PTPRG: variants seen among roughly 807,000 people sequenced by gnomAD.
The protein encoded by PTPRG is protein tyrosine phosphatase receptor type G.
A neutral mutation model predicts 165.3 loss-of-function variants in PTPRG; 102 were observed. The observed-to-expected ratio is 0.62, with a 90% confidence interval of 0.53 to 0.73. The LOEUF (loss-of-function observed/expected upper bound fraction) is 0.73, where lower values mean the gene tolerates loss of function less well. Among genes scored for constraint, PTPRG ranks in the 30% least tolerant of loss-of-function variants. The pLI is 0.00. For missense variants in PTPRG, 1,866 were observed against 1,861.4 expected (o/e 1.00, Z -0.05); for synonymous variants, 675 against 669.5 (o/e 1.01, Z -0.13).
At chr3:61,604,374 T>C (rs1015178534) in intron 1 of PTPRG, among the ~76,000 whole-genome samples, 3 of 152,154 alleles carry the variant, frequency 2.0e-5, no homozygotes, top group African/African-American at 7.2e-5. Flanking sequence ...TCTTTGATGG[T>C]GACGGGAGGT....
At position 62,195,011 on chromosome 3, in the gene PTPRG, G is replaced by A. The variant is rs1314707586; in HGVS notation, c.1219-51G>A. ...CAGGTTTGGCTTTAGAATGCAAAGTGTGCCTTGGCCTTCAAAACTAACTCA... is the reference window on the plus strand; with the variant it reads ...CAGGTTTGGCTTTAGAATGCAAAGTATGCCTTGGCCTTCAAAACTAACTCA... On this transcript the variant is annotated intron_variant, in intron 9 of 29. Transcript: ENST00000474889. This position sits in a 1 kb window ranked among gnomAD's most constrained non-coding sequence, Gnocchi z 4.4. 1 of 1,555,184 alleles carries A rather than the reference G, an allele frequency of 6.4e-7. No individual in the cohort carries two copies. The highest frequency in any genetic ancestry group is 8.9e-7 in the Non-Finnish European group (1 of 1,126,932).
At chr3:61,764,988 C>T (rs2033969210) in intron 2 of PTPRG, among the ~76,000 whole-genome samples, 1 of 152,164 alleles carries the variant, frequency 6.6e-6, no homozygotes, top group Non-Finnish European at 1.5e-5. Context: ...ATTATCTGGA[C>T]CCAAATGCCA....
At chr3:61,882,783 C>A (rs950569863) in intron 2 of PTPRG, among the ~76,000 whole-genome samples, 1 of 152,104 alleles carries the variant, frequency 6.6e-6, no homozygotes, top group African/African-American at 2.4e-5. Flanking sequence ...CTGTATCATA[C>A]GTGTTTCTAA....
intron 3 of PTPRG, among the ~76,000 whole-genome samples, chr3:61,992,732 G>A (rs1265076112): frequency 6.6e-6 from 1 of 152,140 alleles, no homozygotes; most frequent in African/African-American, 2.4e-5. Context: ...ATGCTGGCCA[G>A]ACTGCTCTGG....
At chr3:61,962,077 A>T (rs987575125) in intron 2 of PTPRG, among the ~76,000 whole-genome samples, 1 of 152,150 alleles carries the variant, frequency 6.6e-6, no homozygotes, top group Non-Finnish European at 1.5e-5. Context: ...GGTTTTAAGT[A>T]CGTTGATTTC....
intron 1 of PTPRG, among the ~76,000 whole-genome samples, chr3:61,697,143 C>T (rs181042589): frequency 1.6e-4 from 24 of 152,304 alleles, no homozygotes; most frequent in Non-Finnish European, 5.9e-5. Context: ...CTGGCTTTCT[C>T]CTGCTTTTCT....
chr3:61,651,788 T>C (rs1387554551), intron 1 of PTPRG, among the ~76,000 whole-genome samples: 1 of 152,154 alleles, frequency 6.6e-6, no homozygotes, highest in Non-Finnish European at 1.5e-5. Flanking sequence ...GGTAGGTGGA[T>C]CACTTGAGGT....
intron 2 of PTPRG, among the ~76,000 whole-genome samples, chr3:61,970,050 G>C (rs1464856396): frequency 6.6e-6 from 1 of 152,166 alleles, no homozygotes; most frequent in Non-Finnish European, 1.5e-5. Flanking sequence ...CTCCTTTTTA[G>C]CACAAATAAT....
Position 62,271,405 on chromosome 3 carries a change from G to C in PTPRG, c.3032G>C (p.Gly1011Ala), listed in dbSNP as rs763215260. 61 of 1,608,474 alleles carry C rather than the reference G, an allele frequency of 3.8e-5. No homozygotes were observed. Among genetic ancestry groups the C allele is most frequent in the Non-Finnish European group, 5.0e-5 (59 of 1,177,768 alleles). ...VKKGQKGNPK[G>A]RQNERVVIQY... ...CAGGGTCAGAAGGGAAATCCCAAGG[G>C]TCGTCAGAATGAAAGGGTAGTGATC... Residue 1011 changes from glycine (G) to alanine (A), a missense_variant, in exon 21 of 30, where the codon GGT becomes GCT. By Grantham distance (60) the Gly-to-Ala change is moderately conservative. Coordinates refer to ENST00000474889, the MANE Select transcript of PTPRG (RefSeq NM_002841.4). This position sits in a 1 kb window ranked among gnomAD's most constrained non-coding sequence, Gnocchi z 4.1.
At chr3:61,920,806 T>A (rs865801793) in intron 2 of PTPRG, among the ~76,000 whole-genome samples, 19 of 152,268 alleles carry the variant, frequency 1.2e-4, no homozygotes, top group Non-Finnish European at 2.4e-4. Flanking sequence ...TAGCATTTTT[T>A]AAATGTATGT....
chr3:62,165,523 TAAAG>T lies in PTPRG; in HGVS notation c.841-2445_841-2442del, dbSNP rs1217737961. On this transcript the variant is annotated intron_variant, in intron 7 of 29. Coordinates refer to ENST00000474889, the MANE Select transcript of PTPRG (RefSeq NM_002841.4). ...TGTCTTGCCTTTCCTTTGCTGTAAATAAAGAAGGAATAGCAGAAAGAATAGGAAG... is the reference window on the plus strand; with the variant it reads ...TGTCTTGCCTTTCCTTTGCTGTAAATAAGGAATAGCAGAAAGAATAGGAAG... Among the ~76,000 whole-genome samples, 14 of 152,224 alleles carry T rather than the reference TAAAG, an allele frequency of 9.2e-5. No individual in the cohort carries two copies. In the East Asian group the frequency reaches 2.5e-3, roughly 27 times the overall value.
At chr3:61,808,488 A>G (rs894957565) in intron 2 of PTPRG, among the ~76,000 whole-genome samples, 1 of 152,136 alleles carries the variant, frequency 6.6e-6, no homozygotes, top group African/African-American at 2.4e-5. Flanking sequence ...GGAACCCGTA[A>G]AAGAAGTTAT....
At chr3:62,289,066 C>T (rs781314769) in intron 28 of PTPRG, among the ~76,000 whole-genome samples, 2 of 152,066 alleles carry the variant, frequency 1.3e-5, no homozygotes, top group Non-Finnish European at 2.9e-5. Flanking sequence ...TGGTGTGTGC[C>T]AATCTCTGTT....
At chr3:61,660,790 C>T (rs979905767) in intron 1 of PTPRG, among the ~76,000 whole-genome samples, 1 of 152,108 alleles carries the variant, frequency 6.6e-6, no homozygotes, top group Non-Finnish European at 1.5e-5. Flanking sequence ...TACCTGAGGT[C>T]GGGAGTTCGA....
chr3:61,685,044 C>T (rs1357104710), intron 1 of PTPRG, among the ~76,000 whole-genome samples: 1 of 152,212 alleles, frequency 6.6e-6, no homozygotes, highest in Admixed American at 6.5e-5. Context: ...CTCCCGCTCT[C>T]CTTCTTTCTT....
intron 2 of PTPRG, among the ~76,000 whole-genome samples, chr3:61,959,627 T>C (rs981038989): frequency 3.9e-5 from 6 of 152,332 alleles, no homozygotes; most frequent in African/African-American, 1.4e-4. Flanking sequence ...AGCAAGTGAT[T>C]GGTATCTGCA....
At chr3:61,915,766 G>T (rs937920824) in intron 2 of PTPRG, among the ~76,000 whole-genome samples, 6 of 152,236 alleles carry the variant, frequency 3.9e-5, no homozygotes, top group Non-Finnish European at 5.9e-5. Flanking sequence ...GCAAGAAGAC[G>T]CAATCACAGA....
intron 2 of PTPRG, among the ~76,000 whole-genome samples, chr3:61,894,301 C>CAAAAAAAAAAAAAAAAAAAAAAA (rs767479285): frequency 4.0e-5 from 2 of 49,850 alleles, no homozygotes; most frequent in African/African-American, 1.3e-4. Context: ...GACTCTGTGT[C>CAAAAAAAAAAAAAAAAAAAAAAA]AAAAAAAAAA....
intron 2 of PTPRG, among the ~76,000 whole-genome samples, chr3:61,874,515 CTTTTT>C: frequency 6.7e-6 from 1 of 149,330 alleles, no homozygotes; most frequent in Middle Eastern, 3.4e-3. Context: ...TTCTTTCTTC[CTTTTT>C]TTTTTCTACA....
Sources: allele counts gnomAD v4.1 joint callset (sites outside exome capture counted in the v4.1 genomes callset), GRCh38; gene constraint gnomAD v4.1.1; non-coding constraint Gnocchi (gnomAD v3.1); transcripts MANE v1.5; gene names NCBI Gene and HGNC (gene_info 2026-07-23, HGNC 2026-07-21).